SYN3: variants seen among roughly 807,000 people sequenced by gnomAD.
SYN3 encodes synapsin III.
A neutral mutation model predicts 65.8 loss-of-function variants in SYN3; 35 were observed. That is an observed-to-expected ratio of 0.53 (90% CI 0.41 to 0.70). The LOEUF (loss-of-function observed/expected upper bound fraction) is 0.70, where lower values mean the gene tolerates loss of function less well. Among genes scored for constraint, SYN3 ranks in the 30% least tolerant of loss-of-function variants. The probability of loss-of-function intolerance (pLI) is 0.00; values close to 1 mark genes in which losing one functional copy is unlikely to be tolerated. For synonymous variants in SYN3, 270 were observed against 292.9 expected, an observed-to-expected ratio of 0.92 and a Z score of 0.80; for missense variants, 680 against 749.0, an observed-to-expected ratio of 0.91 and a Z score of 1.08.
intron 6 of SYN3, among the ~76,000 whole-genome samples, chr22:32,656,863 T>C (rs1229224353): frequency 1.3e-5 from 2 of 151,938 alleles, no homozygotes; most frequent in Non-Finnish European, 2.9e-5. Context: ...CTGCAGGGCA[T>C]TGTGGGAGGG....
At chr22:33,032,646 A>AT (rs947071585) in intron 1 of SYN3, among the ~76,000 whole-genome samples, 51 of 149,866 alleles carry the variant, frequency 3.4e-4, no homozygotes, top group East Asian at 3.3e-3. Flanking sequence ...ATCCTGTTAA[A>AT]TTTTTTTTTT....
intron 6 of SYN3, among the ~76,000 whole-genome samples, chr22:32,643,181 A>G (rs1188252535): frequency 6.6e-6 from 1 of 152,028 alleles, no homozygotes; most frequent in Non-Finnish European, 1.5e-5. Context: ...CAGATTCAGC[A>G]ATTCTCCTGC....
intron 7 of SYN3, among the ~76,000 whole-genome samples, chr22:32,563,003 A>G (rs2146361774): frequency 6.6e-6 from 1 of 152,314 alleles, no homozygotes; most frequent in South Asian, 2.1e-4. Flanking sequence ...CTCAGATTCA[A>G]ATTTCCACCA....
chr22:32,525,623 T>C (rs1569003296), intron 12 of SYN3, among the ~76,000 whole-genome samples: 1 of 147,578 alleles, frequency 6.8e-6, no homozygotes, highest in Non-Finnish European at 1.5e-5. Flanking sequence ...GGCAGGAGAA[T>C]GGCATGAACC....
At chr22:32,803,011 C>T (rs935933299) in intron 6 of SYN3, among the ~76,000 whole-genome samples, 7 of 152,058 alleles carry the variant, frequency 4.6e-5, no homozygotes, top group South Asian at 2.1e-4. Flanking sequence ...TGGAGGGCCC[C>T]GAGAGCATCC....
intron 1 of SYN3, among the ~76,000 whole-genome samples, chr22:33,037,274 T>C (rs767356656): frequency 2.6e-5 from 4 of 152,148 alleles, no homozygotes; most frequent in Non-Finnish European, 4.4e-5. Flanking sequence ...ACTTGCCCGC[T>C]TGCTGCCCAG....
intron 6 of SYN3, among the ~76,000 whole-genome samples, chr22:32,786,055 C>T (rs974629347): frequency 1.3e-5 from 2 of 152,112 alleles, no homozygotes; most frequent in South Asian, 2.1e-4. Context: ...GATACAATCC[C>T]ATTTACTTAC....
At chr22:32,583,069 G>A (rs1234156391) in intron 7 of SYN3, among the ~76,000 whole-genome samples, 1 of 152,178 alleles carries the variant, frequency 6.6e-6, no homozygotes, top group Non-Finnish European at 1.5e-5. Context: ...AAGACCAAGA[G>A]TCAAGCAAGA....
rs568276795 is a variant in SYN3, at chr22:32,513,451, C to A, written c.*241G>T. 180 of 453,120 alleles carry A rather than the reference C, an allele frequency of 4.0e-4. No homozygotes were observed. The highest frequency in any genetic ancestry group is 5.1e-4 in the Non-Finnish European group (131 of 258,538). The allele number at this position is 453,120 out of a possible 1,614,324, so 28.1% of individuals were successfully genotyped here. ...GAGGGTGTGATGCCCATCGCTCAGG[C>A]CTGTTTTGAGGAACCTGGAGGCTCT... On this transcript the variant is annotated 3_prime_UTR_variant, in exon 14 of 14. Transcript: ENST00000358763.
intron 1 of SYN3, among the ~76,000 whole-genome samples, chr22:33,033,374 C>G (rs1393060956): frequency 2.0e-5 from 3 of 152,300 alleles, no homozygotes; most frequent in East Asian, 3.9e-4. Flanking sequence ...GGCTGTTCCC[C>G]TGCCTGGAAT....
chr22:32,529,893 C>T (rs1432548823), intron 10 of SYN3, among the ~76,000 whole-genome samples: 1 of 152,196 alleles, frequency 6.6e-6, no homozygotes, highest in Non-Finnish European at 1.5e-5. Flanking sequence ...TTTCTCTCTC[C>T]TCCAGGTTCT....
At position 32,812,926 on chromosome 22, in the gene SYN3, A is replaced by T. The variant is rs139548116; in HGVS notation, c.711+51989T>A. Among the ~76,000 whole-genome samples, 252 of 152,324 alleles carry T rather than the reference A, an allele frequency of 1.7e-3. 1 individual carries two copies. The highest frequency in any genetic ancestry group is 3.1e-3 in the Non-Finnish European group (211 of 68,026). ...GGACTGAGAGATCCAAGAATCTCAG[A>T]ATCCAGGTTGGTCTCCAGGGTGCAG... On this transcript the variant is annotated intron_variant, in intron 6 of 13. Coordinates refer to ENST00000358763, the MANE Select transcript of SYN3 (RefSeq NM_003490.4).
At chr22:32,894,464 G>T (rs144942839) in intron 4 of SYN3, among the ~76,000 whole-genome samples, 7 of 152,342 alleles carry the variant, frequency 4.6e-5, no homozygotes, top group African/African-American at 1.7e-4. Flanking sequence ...GCTAGTGCTA[G>T]TGACACGTGA....
intron 1 of SYN3, among the ~76,000 whole-genome samples, chr22:33,034,283 G>A (rs2053812567): frequency 6.6e-6 from 1 of 151,334 alleles, no homozygotes; most frequent in Non-Finnish European, 1.5e-5. Context: ...GTCTTGCTCT[G>A]TTGTCTAGGC....
At chr22:32,728,899 C>T (rs561300066) in intron 6 of SYN3, among the ~76,000 whole-genome samples, 17 of 152,214 alleles carry the variant, frequency 1.1e-4, no homozygotes, top group African/African-American at 2.6e-4. Context: ...TCCTGTGGCA[C>T]CAGAGAAAGT....
intron 6 of SYN3, among the ~76,000 whole-genome samples, chr22:32,787,263 G>T (rs953010354): frequency 6.6e-6 from 1 of 151,980 alleles, no homozygotes; most frequent in African/African-American, 2.4e-5. Context: ...GGCCAGGCTG[G>T]TCTCAAATTC....
intron 6 of SYN3, among the ~76,000 whole-genome samples, chr22:32,764,885 T>C (rs116896596): frequency 0.012 from 1,804 of 152,248 alleles, 25 homozygotes; most frequent in Non-Finnish European, 0.018. Context: ...TCCTCCCTCA[T>C]AGTCTCTCTC....
chr22:32,988,340 T>TAATAATAATAATAAA (rs2052597000), intron 2 of SYN3, among the ~76,000 whole-genome samples: 1 of 114,294 alleles, frequency 8.7e-6, no homozygotes, highest in African/African-American at 2.9e-5. Context: ...ATAATAATAA[T>TAATAATAATAATAAA]AATAATAAAA....
rs753441375 is a variant in SYN3, at chr22:32,931,385, C to T, written c.461+5G>A. ...GAAGGTTCTGCATATTTTAATCCTA[C>T]TTACCTCACCACTTTGGTCCCATTT... On this transcript the variant is annotated splice_donor_5th_base_variant and intron_variant, in intron 4 of 13. Transcript: ENST00000358763. 33 of 1,602,756 alleles carry T rather than the reference C, an allele frequency of 2.1e-5. No individual in the cohort carries two copies. Among genetic ancestry groups the T allele is most frequent in the Non-Finnish European group, 2.7e-5 (32 of 1,169,726 alleles).
Sources: gnomAD v4.1 joint callset for allele counts (sites outside exome capture counted in the v4.1 genomes callset) on GRCh38, gnomAD v4.1.1 for gene constraint, MANE v1.5 for transcripts, NCBI Gene and HGNC (gene_info 2026-07-23, HGNC 2026-07-21) for gene names.